ANKRD13D: variants seen among roughly 807,000 people sequenced by gnomAD.
The protein encoded by ANKRD13D is ankyrin repeat domain-containing protein 13D.
ANKRD13D carries 24 observed loss-of-function variants against 68.8 expected under a neutral mutation model. The ratio of observed to expected loss-of-function variants is 0.35; its 90% CI spans 0.25 to 0.49. The LOEUF (loss-of-function observed/expected upper bound fraction) is 0.49, where lower values mean the gene tolerates loss of function less well. ANKRD13D is among the 20% of genes least tolerant of loss of function. The pLI, the probability that ANKRD13D is intolerant of heterozygous loss-of-function variation, is 0.99. For missense variants in ANKRD13D, 735 were observed against 832.1 expected (o/e 0.88, Z 1.44); for synonymous variants, 331 against 336.1 (o/e 0.98, Z 0.16).
rs762455831 is a variant in ANKRD13D at position 67,292,161 on chromosome 11, C to T, written c.712C>T (p.Arg238Cys). Residue 238 changes from arginine to cysteine, a missense_variant, in exon 6 of 15, where the codon CGT (arginine) becomes TGT (cysteine). By Grantham distance (180) the Arg-to-Cys change is radical. Coordinates refer to ENST00000511455, the MANE Select transcript of ANKRD13D (RefSeq NM_207354.3). Reference sequence around the variant, plus strand: ...TATCGTCTCCACCCACCTGGACACTCGTAATGTGGCCTTTGAGAGGTCGGT... The same window carrying T: ...TATCGTCTCCACCCACCTGGACACTTGTAATGTGGCCTTTGAGAGGTCGGT... ...SPIVSTHLDTRNVAFERNKCG... is the reference protein window; with the variant it reads ...SPIVSTHLDTCNVAFERNKCG... The T allele has an allele frequency of 4.4e-6, 7 of 1,594,598 alleles. No individual in the cohort carries two copies. Among genetic ancestry groups the T allele is most frequent in the South Asian group, 1.1e-5 (1 of 90,528 alleles).
rs768811306 is a variant in ANKRD13D at position 67,301,326 on chromosome 11, A to G, written c.1276A>G (p.Asn426Asp). Residue 426 changes from asparagine (N) to aspartate (D), a missense_variant, in exon 12 of 15, where the codon AAC (asparagine) becomes GAC (aspartate). By Grantham distance (23) the Asn-to-Asp change is conservative. Transcript: ENST00000511455. This position sits in a 1 kb window ranked among gnomAD's most constrained non-coding sequence, Gnocchi z 4.5. ...GCTCAATGCCCGCATCACCTTCAGC[A>G]ACCTGTGTGGCTGTGATGAGCCCCT... ...HVLNARITFS[N>D]LCGCDEPLSS... The G allele has an allele frequency of 3.1e-6, 5 of 1,613,798 alleles. No individual in the cohort carries two copies. Among genetic ancestry groups the G allele is most frequent in the Non-Finnish European group, 3.4e-6 (4 of 1,179,872 alleles).
intron 6 of ANKRD13D, among the ~76,000 whole-genome samples, chr11:67,292,874 C>A (rs2050252341): frequency 6.6e-6 from 1 of 152,156 alleles, no homozygotes; most frequent in Non-Finnish European, 1.5e-5. Context: ...CTGTAGAATT[C>A]CCTGCTCTGA....
In ANKRD13D at chr11:67,302,408, G is replaced by T; in HGVS notation, c.*76G>T. ...TTTATTTATTTATAAACTCTCTGCT[G>T]CTGAGCTTGGGGCCTGGAGCCCCAG... On this transcript the variant is annotated 3_prime_UTR_variant, in exon 15 of 15. Transcript: ENST00000511455. 1 of 1,436,986 alleles carries T rather than the reference G, an allele frequency of 7.0e-7. No individual in the cohort carries two copies. The highest frequency in any genetic ancestry group is 9.2e-7 in the Non-Finnish European group (1 of 1,090,562). 89.0% of individuals were successfully genotyped at this position (1,436,986 alleles called of 1,614,324 possible). A position where few individuals can be genotyped will look rare whatever the true frequency, so the allele number is the denominator to read the frequency against.
Position 67,300,908 on chromosome 11 carries a change from A to G in ANKRD13D, c.1074-82A>G. ...GGCCAGGCAGAAGGTGGGTAAAGGC[A>G]GCTGCCCACGAACCAGAGGGCAGTC... On this transcript the variant is annotated intron_variant, in intron 10 of 14. Coordinates refer to ENST00000511455, the MANE Select transcript of ANKRD13D (RefSeq NM_207354.3). The surrounding 1 kb of genome is among the most constrained non-coding windows in gnomAD (Gnocchi z 4.3). 6.5e-7 allele frequency: 1 copy of G among 1,531,230 alleles called. No individual in the cohort carries two copies. Among genetic ancestry groups the G allele is most frequent in the Non-Finnish European group, 8.9e-7 (1 of 1,128,118 alleles). The allele number at this position is 1,531,230 out of a possible 1,614,324, so 94.9% of individuals were successfully genotyped here. A position where few individuals can be genotyped will look rare whatever the true frequency, so the allele number is the denominator to read the frequency against.
At chr11:67,294,694 C>T (rs868251221) in intron 6 of ANKRD13D, among the ~76,000 whole-genome samples, 3 of 152,038 alleles carry the variant, frequency 2.0e-5, no homozygotes, top group Non-Finnish European at 2.9e-5. Context: ...GTGCCCACCA[C>T]CACTCCTTGC....
In ANKRD13D at chr11:67,299,161, G is replaced by A. The variant is rs373993670; in HGVS notation, c.798+37G>A. On this transcript the variant is annotated intron_variant, in intron 7 of 14. Coordinates refer to ENST00000511455, the MANE Select transcript of ANKRD13D (RefSeq NM_207354.3). The surrounding 1 kb of genome is among the most constrained non-coding windows in gnomAD (Gnocchi z 6.2). ...TAGGGGTGGGGGGCTGGGGGTAGGA[G>A]ATGAGGTCCAGGAACTCAGCTCCTC... The A allele has an allele frequency of 6.4e-6, 10 of 1,564,892 alleles. No homozygotes were observed. Among genetic ancestry groups the A allele is most frequent in the African/African-American group, 1.4e-5 (1 of 73,808 alleles).
In ANKRD13D at chr11:67,300,838, C is replaced by T. The variant is rs965049878; in HGVS notation, c.1074-152C>T. ...GGCCACGTGGCCAGGACACCAGCTC[C>T]CGGGGGAGGCGGGCAGCGGCATCTG... is the stretch of plus-strand genomic sequence containing the variant. On this transcript the variant is annotated intron_variant, in intron 10 of 14. Transcript: ENST00000511455. The surrounding 1 kb of genome is among the most constrained non-coding windows in gnomAD (Gnocchi z 4.3). 6 of 986,056 alleles carry T rather than the reference C, an allele frequency of 6.1e-6. No homozygotes were observed. The highest frequency in any genetic ancestry group is 8.7e-6 in the Non-Finnish European group (6 of 688,162). The allele number at this position is 986,056 out of a possible 1,614,324, so 61.1% of individuals were successfully genotyped here. A position where few individuals can be genotyped will look rare whatever the true frequency, so the allele number is the denominator to read the frequency against.
At chr11:67,291,912 G>A in intron 5 of ANKRD13D, 79 bp from the exon 6 acceptor site, 1 of 1,517,284 alleles carries the variant, frequency 6.6e-7, no homozygotes, top group Non-Finnish European at 8.8e-7. Context: ...GGTGGCTGAG[G>A]GTACATGATC....
At chr11:67,290,722 C>T in intron 3 of ANKRD13D, 1 of 416,274 alleles carries the variant, frequency 2.4e-6, no homozygotes, top group Admixed American at 3.7e-5. Flanking sequence ...TTCAGGTTGA[C>T]TCGGTGGATT....
intron 3 of ANKRD13D, 52 bp from the exon 4 acceptor site, chr11:67,291,424 G>T: frequency 6.2e-7 from 1 of 1,604,352 alleles, no homozygotes; most frequent in Non-Finnish European, 8.5e-7. Context: ...TCCCAGGCCT[G>T]CTGGAGCCAG....
At chr11:67,291,013 C>T (rs1231969953) in intron 3 of ANKRD13D, 2 of 191,642 alleles carry the variant, frequency 1.0e-5, no homozygotes, top group East Asian at 1.5e-4. Context: ...CTTGGCCCAC[C>T]CTCTCCAGGG....
intron 14 of ANKRD13D, 108 bp from the exon 15 acceptor site, chr11:67,302,011 C>A: frequency 7.1e-7 from 1 of 1,398,926 alleles, no homozygotes; most frequent in South Asian, 1.5e-5. Flanking sequence ...CTCTGCTTGC[C>A]ACCCTGTCTT....
Position 67,302,479 on chromosome 11 carries a change from G to A in ANKRD13D, c.*147G>A. 2.4e-6 allele frequency: 3 copies of A among 1,248,118 alleles called. No individual in the cohort carries two copies. Among genetic ancestry groups the A allele is most frequent in the Admixed American group, 3.0e-5 (1 of 33,808 alleles). 77.3% of individuals were successfully genotyped at this position (1,248,118 alleles called of 1,614,324 possible). ...CTGAGATGGAAATAAAGAGACTGTC[G>A]CAGCAGGGCTGCTCTGCTCACTGGG... On this transcript the variant is annotated 3_prime_UTR_variant, in exon 15 of 15. Transcript: ENST00000511455.
Position 67,301,700 on chromosome 11 carries a change from G to T in ANKRD13D, c.1513-32G>T. 1 of 1,611,272 alleles carries T rather than the reference G, an allele frequency of 6.2e-7. No homozygotes were observed. The highest frequency in any genetic ancestry group is 1.3e-5 in the African/African-American group (1 of 75,068). On this transcript the variant is annotated intron_variant, in intron 13 of 14. Transcript: ENST00000511455. The surrounding 1 kb of genome is among the most constrained non-coding windows in gnomAD (Gnocchi z 4.5). ...CTCTGGCCTCTGCAGCCACACGGCA[G>T]AAGTGACAGCTGTGGGCTCTGGTGG...
chr11:67,291,733 C>T lies in ANKRD13D; in HGVS notation c.528C>T (p.Ile176=), dbSNP rs1206712816. The T allele has an allele frequency of 2.5e-6, 4 of 1,613,950 alleles. No individual in the cohort carries two copies. Among genetic ancestry groups the T allele is most frequent in the South Asian group, 1.1e-5 (1 of 91,084 alleles). Reference sequence around the variant, plus strand: ...GGCAGCGGGGCCGGAGGAGCTTCATCTTCAAGGGCCAGGGTGAGCTCTGGA... The same window carrying T: ...GGCAGCGGGGCCGGAGGAGCTTCATTTTCAAGGGCCAGGGTGAGCTCTGGA... ...MTWQRGRRSF[I]FKGQEAGALV... Residue 176 remains isoleucine, a synonymous_variant, in exon 5 of 15, where the codon ATC becomes ATT. Transcript: ENST00000511455.
intron 1 of ANKRD13D, 178 bp downstream of exon 1, chr11:67,289,728 C>A: frequency 7.2e-7 from 1 of 1,385,296 alleles, no homozygotes; most frequent in Non-Finnish European, 9.4e-7. Context: ...GAGCCTCTGG[C>A]CTCCTCTCCC....
chr11:67,295,917 TGTTA>T, intron 6 of ANKRD13D, among the ~76,000 whole-genome samples: 1 of 152,310 alleles, frequency 6.6e-6, no homozygotes, highest in South Asian at 2.1e-4. Context: ...CATTCCTCAT[TGTTA>T]GAGTGTTTTT....
intron 6 of ANKRD13D, among the ~76,000 whole-genome samples, chr11:67,295,686 A>G (rs1860733104): frequency 6.6e-6 from 1 of 152,150 alleles, no homozygotes; most frequent in South Asian, 2.1e-4. Flanking sequence ...CAGTGAGTCC[A>G]GATTGTGCCA....
intron 6 of ANKRD13D, among the ~76,000 whole-genome samples, chr11:67,293,056 C>T (rs935590893): frequency 2.0e-5 from 3 of 152,108 alleles, no homozygotes; most frequent in African/African-American, 7.2e-5. Context: ...CATCGATAGA[C>T]ATTTGGGTTA....
Sources: allele counts gnomAD v4.1 joint callset (sites outside exome capture counted in the v4.1 genomes callset), GRCh38; gene constraint gnomAD v4.1.1; non-coding constraint Gnocchi (gnomAD v3.1); transcripts MANE v1.5; gene names NCBI Gene and HGNC (gene_info 2026-07-23, HGNC 2026-07-21).